Variants in PRRC2C observed in about 807,000 individuals in gnomAD.
The protein encoded by PRRC2C is protein PRRC2C.
In PRRC2C, 72 loss-of-function variants were observed where a neutral mutation model predicts 317.2. That is an observed-to-expected ratio of 0.23 (90% CI 0.19 to 0.28). The LOEUF (loss-of-function observed/expected upper bound fraction) is 0.28. Among genes scored for constraint, PRRC2C ranks in the 10% least tolerant of loss-of-function variants. The pLI is 1.00. For synonymous variants in PRRC2C, 1,296 were observed against 1,205.9 expected, an observed-to-expected ratio of 1.07 and a Z score of -1.55; for missense variants, 3,074 against 3,459.7, an observed-to-expected ratio of 0.89 and a Z score of 2.80.
At chr1:171,581,015 CA>C (rs1229818219) in intron 28 of PRRC2C, among the ~76,000 whole-genome samples, 2 of 152,194 alleles carry the variant, frequency 1.3e-5, no homozygotes, top group African/African-American at 4.8e-5. Context: ...ACTTTCTTAA[CA>C]GAGAGCCTAG....
intron 24 of PRRC2C, among the ~76,000 whole-genome samples, chr1:171,573,916 A>G (rs1685245994): frequency 6.6e-6 from 1 of 151,900 alleles, no homozygotes; most frequent in Non-Finnish European, 1.5e-5. Context: ...TGACCTCGTG[A>G]TCCGCCTGCC....
intron 6 of PRRC2C, among the ~76,000 whole-genome samples, chr1:171,518,756 G>T (rs1360185185): frequency 6.9e-6 from 1 of 144,774 alleles, no homozygotes; most frequent in Non-Finnish European, 1.5e-5. Flanking sequence ...GCCCACCTTG[G>T]CCCCTCAGAG....
intron 22 of PRRC2C, 79 bp from the exon 23 acceptor site, chr1:171,568,168 G>A: frequency 2.0e-6 from 3 of 1,469,920 alleles, no homozygotes; most frequent in East Asian, 2.5e-5. Flanking sequence ...CTGCATGATA[G>A]CGAGACTCAA....
chr1:171,591,535 C>T lies in PRRC2C; in HGVS notation c.8437-52C>T, dbSNP rs1229632025. ...AGAATTTGAACCAAGATTGATTTGA[C>T]AGGCTTTGGTAATGCTGCAGTATTT... On this transcript the variant is annotated intron_variant, in intron 34 of 34. Coordinates refer to ENST00000647382, the MANE Select transcript of PRRC2C (RefSeq NM_001387844.1). 3.2e-6 allele frequency: 5 copies of T among 1,576,742 alleles called. No individual in the cohort carries two copies. The African/African-American group carries it at 5.4e-5, about 17-fold the overall frequency.
At position 171,580,282 on chromosome 1, in the gene PRRC2C, T is replaced by C. The variant is rs1204378775; in HGVS notation, c.7409+318T>C. 3.3e-5 allele frequency among the ~76,000 whole-genome samples: 5 copies of C among 152,318 alleles called. No individual in the cohort carries two copies. The East Asian group carries it at 9.6e-4, about 29-fold the overall frequency. On this transcript the variant is annotated intron_variant, in intron 28 of 34. Transcript: ENST00000647382. Reference sequence around the variant, plus strand: ...TGTGCCATCTGGCTACCAAAAACTATAAATCTGAATCTCCTCTATGTACGA... The same window carrying C: ...TGTGCCATCTGGCTACCAAAAACTACAAATCTGAATCTCCTCTATGTACGA...
In PRRC2C at chr1:171,513,893, T is replaced by C. The variant is rs1557888885; in HGVS notation, c.291-643T>C. On this transcript the variant is annotated intron_variant, in intron 3 of 34. Transcript: ENST00000647382. ...ATGCTTGTTAGCTGTAGTAAAATTA[T>C]TTTATAGTAATGAGTCAGTTATAGG... Among the ~76,000 whole-genome samples, 2 of 152,364 alleles carry C rather than the reference T, an allele frequency of 1.3e-5. 1 individual carries two copies. The highest frequency in any genetic ancestry group is 3.9e-4 in the East Asian group (2 of 5,190).
intron 1 of PRRC2C, among the ~76,000 whole-genome samples, chr1:171,499,303 G>A (rs530705887): frequency 1.3e-5 from 2 of 152,194 alleles, no homozygotes; most frequent in African/African-American, 2.4e-5. Flanking sequence ...ATATTTGTAC[G>A]AGTGAATAGG....
chr1:171,550,237 A>G lies in PRRC2C; in HGVS notation c.5124A>G (p.Ile1708Met). Reference sequence around the variant, plus strand: ...GCCGAAAGAAGGAAGAACAAGTCATACAGGTTTAAATCTTGTTTCAACTTG... The same window carrying G: ...GCCGAAAGAAGGAAGAACAAGTCATGCAGGTTTAAATCTTGTTTCAACTTG... ...EERRKKEEQV[I>M]QVWNKKNANE... Residue 1708 changes from isoleucine to methionine, a missense_variant, in exon 18 of 35, where the codon ATA becomes ATG. Around this residue, in one of 11 missense-constraint regions of PRRC2C, gnomAD observed 640 missense variants for 676.1 expected, o/e 0.95. Transcript: ENST00000647382. 4 of 1,589,868 alleles carry G rather than the reference A, an allele frequency of 2.5e-6. No individual in the cohort carries two copies. The highest frequency in any genetic ancestry group is 2.3e-5 in the East Asian group (1 of 44,360).
At chr1:171,538,558 T>C (rs1677292995) in intron 15 of PRRC2C, among the ~76,000 whole-genome samples, 1 of 152,192 alleles carries the variant, frequency 6.6e-6, no homozygotes, top group South Asian at 2.1e-4. Flanking sequence ...TAATGTTTTA[T>C]AATTATTTGT....
intron 1 of PRRC2C, among the ~76,000 whole-genome samples, chr1:171,488,293 CG>C (rs1401160994): frequency 2.6e-5 from 4 of 152,178 alleles, no homozygotes; most frequent in African/African-American, 9.7e-5. Flanking sequence ...ACTTTCATTT[CG>C]GTAAATCGTG....
chr1:171,567,168 T>TATC, intron 22 of PRRC2C, among the ~76,000 whole-genome samples: 1 of 152,328 alleles, frequency 6.6e-6, no homozygotes, highest in Non-Finnish European at 1.5e-5. Context: ...AGTAGAGCTT[T>TATC]ATCTTGCCCA....
At chr1:171,527,937 G>C in intron 11 of PRRC2C, 93 bp downstream of exon 11, 1 of 1,035,462 alleles carries the variant, frequency 9.7e-7, no homozygotes, top group Non-Finnish European at 1.5e-6. Flanking sequence ...AAACTTTTAT[G>C]AAACAGTTAC....
At chr1:171,577,159 A>G (rs371761794) in intron 25 of PRRC2C, among the ~76,000 whole-genome samples, 4 of 152,226 alleles carry the variant, frequency 2.6e-5, no homozygotes, top group Non-Finnish European at 5.9e-5. Context: ...TAACAGTTAC[A>G]TAGGCTCTCA....
intron 28 of PRRC2C, among the ~76,000 whole-genome samples, chr1:171,581,212 T>C (rs1648508003): frequency 6.6e-6 from 1 of 152,236 alleles, no homozygotes; most frequent in Admixed American, 6.5e-5. Flanking sequence ...AAGGAAGTCT[T>C]GTATTGAATT....
intron 26 of PRRC2C, among the ~76,000 whole-genome samples, chr1:171,578,133 A>G (rs1647585263): frequency 6.6e-6 from 1 of 152,004 alleles, no homozygotes; most frequent in Admixed American, 6.6e-5. Context: ...GTCTTGGAAA[A>G]TATAAGTGTA....
At chr1:171,519,174 A>C (rs949412916) in intron 6 of PRRC2C, among the ~76,000 whole-genome samples, 2 of 152,184 alleles carry the variant, frequency 1.3e-5, no homozygotes, top group African/African-American at 4.8e-5. Flanking sequence ...ATGAGTCACC[A>C]TGCCCGCTCT....
Position 171,573,608 on chromosome 1 carries a change from G to C in PRRC2C, c.6754-1319G>C, listed in dbSNP as rs139647647. ...TGATAACAATTAGTCTTAAGAAAAG[G>C]TTAAATTATGAATAGTGTGTTTTTA... is the stretch of plus-strand genomic sequence containing the variant. On this transcript the variant is annotated intron_variant, in intron 24 of 34. Transcript: ENST00000647382. Among the ~76,000 whole-genome samples, 578 of 149,936 alleles carry C rather than the reference G, an allele frequency of 3.9e-3. 3 individuals carry two copies. Among genetic ancestry groups the C allele is most frequent in the African/African-American group, 0.013 (527 of 40,938 alleles).
At chr1:171,584,265 G>GA in intron 29 of PRRC2C, 78 bp downstream of exon 29, 1 of 1,412,090 alleles carries the variant, frequency 7.1e-7, no homozygotes, top group South Asian at 1.3e-5. Flanking sequence ...ATTTTTAAAA[G>GA]AAAACATGTT....
intron 28 of PRRC2C, among the ~76,000 whole-genome samples, chr1:171,583,537 T>A (rs1649185782): frequency 6.6e-6 from 1 of 152,186 alleles, no homozygotes; most frequent in Admixed American, 6.5e-5. Flanking sequence ...AGCTGTTTTA[T>A]AAGTTTTAAG....
Sources: gnomAD v4.1 joint callset for allele counts (sites outside exome capture counted in the v4.1 genomes callset) on GRCh38, gnomAD v4.1.1 for gene constraint, gnomAD v4.1.1 regional missense constraint, MANE v1.5 for transcripts, NCBI Gene and HGNC (gene_info 2026-07-23, HGNC 2026-07-21) for gene names.